AGK: variants seen among roughly 807,000 people sequenced by gnomAD.
AGK encodes the protein acylglycerol kinase, mitochondrial.
In AGK, 52 loss-of-function variants were observed where a neutral mutation model predicts 66.4. The observed-to-expected ratio is 0.78, with a 90% CI of 0.63 to 0.99. The LOEUF is 0.99. Ranked by LOEUF, AGK falls within the 50% of genes least tolerant of loss-of-function variation. The pLI is 0.00. For synonymous variants in AGK, 182 were observed against 181.1 expected, an observed-to-expected ratio of 1.00 and a Z score of -0.04; for missense variants, 451 against 506.6, an observed-to-expected ratio of 0.89 and a Z score of 1.05.
At chr7:141,602,511 A>T (rs1796369930) in intron 5 of AGK, among the ~76,000 whole-genome samples, 2 of 152,088 alleles carry the variant, frequency 1.3e-5, no homozygotes, top group Non-Finnish European at 2.9e-5. Flanking sequence ...TTTAACTTTT[A>T]AATTTCTATA....
chr7:141,647,816 G>A (rs556216492), intron 13 of AGK, among the ~76,000 whole-genome samples: 2 of 152,098 alleles, frequency 1.3e-5, no homozygotes, highest in South Asian at 2.1e-4. Flanking sequence ...GATTACAGGC[G>A]CCCGCCACCA....
At chr7:141,641,165 CAAAT>C (rs1307566854) in intron 11 of AGK, 79 bp from the exon 12 acceptor site, 3 of 1,333,746 alleles carry the variant, frequency 2.2e-6, no homozygotes, top group Non-Finnish European at 3.1e-6. Flanking sequence ...TATAGGTAGA[CAAAT>C]AAATAACTTT....
intron 3 of AGK, among the ~76,000 whole-genome samples, chr7:141,595,947 T>A (rs573297736): frequency 6.6e-6 from 1 of 152,204 alleles, no homozygotes; most frequent in Non-Finnish European, 1.5e-5. Flanking sequence ...AAACTGAGAT[T>A]ATTTTATACC....
At chr7:141,562,721 G>A (rs1365473835) in intron 2 of AGK, among the ~76,000 whole-genome samples, 1 of 152,226 alleles carries the variant, frequency 6.6e-6, no homozygotes, top group African/African-American at 2.4e-5. Flanking sequence ...ACAGTGCCAA[G>A]TTTAGATCCA....
intron 2 of AGK, among the ~76,000 whole-genome samples, chr7:141,564,216 T>G (rs1795415007): frequency 6.6e-6 from 1 of 152,224 alleles, no homozygotes; most frequent in Non-Finnish European, 1.5e-5. Flanking sequence ...TTTTCACCAG[T>G]TTTATTTTGC....
chr7:141,641,685 A>G, intron 12 of AGK, 126 bp from the exon 13 acceptor site: 1 of 811,210 alleles, frequency 1.2e-6, no homozygotes, highest in Non-Finnish European at 2.0e-6. Context: ...CATGAAATAA[A>G]TAAAATGAAG....
intron 5 of AGK, among the ~76,000 whole-genome samples, chr7:141,606,837 C>T (rs1462135514): frequency 6.6e-6 from 1 of 152,094 alleles, no homozygotes; most frequent in East Asian, 1.9e-4. Flanking sequence ...TGTACCTATT[C>T]ATCCTTCCCT....
chr7:141,630,734 A>C (rs1797037869), intron 9 of AGK, among the ~76,000 whole-genome samples: 1 of 152,176 alleles, frequency 6.6e-6, no homozygotes. Context: ...GAAGGCATTA[A>C]GTGGGATTTA....
intron 2 of AGK, among the ~76,000 whole-genome samples, chr7:141,572,805 G>A (rs559726260): frequency 7.0e-6 from 1 of 141,852 alleles, no homozygotes; most frequent in African/African-American, 2.7e-5. Context: ...ACAGGCTATG[G>A]GGGGGGGAAA....
intron 7 of AGK, among the ~76,000 whole-genome samples, chr7:141,614,639 T>C (rs966109050): frequency 6.6e-6 from 1 of 150,636 alleles, no homozygotes; most frequent in African/African-American, 2.5e-5. Context: ...TATGTATGGT[T>C]AATGGATGCT....
intron 9 of AGK, among the ~76,000 whole-genome samples, chr7:141,623,597 AC>A (rs1365311160): frequency 6.6e-6 from 1 of 152,136 alleles, no homozygotes; most frequent in Non-Finnish European, 1.5e-5. Context: ...TTTGAACCTA[AC>A]AGAGGTTGGT....
chr7:141,588,941 G>A (rs955605774), intron 2 of AGK, among the ~76,000 whole-genome samples: 20 of 152,134 alleles, frequency 1.3e-4, no homozygotes, highest in South Asian at 4.1e-4. Context: ...CACTCTCATC[G>A]CCATCTTGGT....
chr7:141,612,400 G>C (rs1177003293), intron 6 of AGK, among the ~76,000 whole-genome samples: 1 of 152,114 alleles, frequency 6.6e-6, no homozygotes, highest in Admixed American at 6.5e-5. Context: ...GAATACATTT[G>C]TGTTACACAC....
intron 9 of AGK, among the ~76,000 whole-genome samples, chr7:141,630,596 T>TC (rs577788524): frequency 5.2e-4 from 79 of 152,140 alleles, no homozygotes; most frequent in Middle Eastern, 6.8e-3. Flanking sequence ...TCTCCTTAGC[T>TC]CCCCCCACCC....
intron 2 of AGK, among the ~76,000 whole-genome samples, chr7:141,561,932 T>G (rs1398521233): frequency 6.6e-6 from 1 of 152,232 alleles, no homozygotes; most frequent in African/African-American, 2.4e-5. Flanking sequence ...GTTACTGGTC[T>G]TCTGGATCTA....
At chr7:141,617,439 G>A (rs1211440757) in intron 8 of AGK, among the ~76,000 whole-genome samples, 3 of 152,142 alleles carry the variant, frequency 2.0e-5, no homozygotes, top group Non-Finnish European at 2.9e-5. Context: ...GGTAATCCAG[G>A]AAGTCTGTCC....
chr7:141,588,050 C>T (rs1377717591), intron 2 of AGK, among the ~76,000 whole-genome samples: 3 of 152,148 alleles, frequency 2.0e-5, no homozygotes, highest in African/African-American at 7.2e-5. Context: ...CCTTCAGAAG[C>T]ATTATTGCAT....
At chr7:141,583,915 G>C (rs1266649271) in intron 2 of AGK, among the ~76,000 whole-genome samples, 2 of 151,864 alleles carry the variant, frequency 1.3e-5, no homozygotes, top group Admixed American at 6.6e-5. Flanking sequence ...AAATTGGTGA[G>C]ATGTTCCTTG....
chr7:141,569,928 C>T (rs1164592053), intron 2 of AGK, among the ~76,000 whole-genome samples: 10 of 152,192 alleles, frequency 6.6e-5, no homozygotes, highest in Non-Finnish European at 1.5e-5. Context: ...AGAGTGTGAG[C>T]TTCTGAGCCA....
Sources: allele counts gnomAD v4.1 joint callset (sites outside exome capture counted in the v4.1 genomes callset), GRCh38; gene constraint gnomAD v4.1.1; transcripts MANE v1.5; gene names NCBI Gene and HGNC (gene_info 2026-07-23, HGNC 2026-07-21).